The following GALNT13 variants were observed in gnomAD, a reference collection of about 807,000 sequenced individuals.
GALNT13 encodes the protein polypeptide N-acetylgalactosaminyltransferase 13.
In GALNT13, 28 loss-of-function variants were observed where a neutral mutation model predicts 64.2. The observed-to-expected ratio is 0.44, with a 90% confidence interval of 0.32 to 0.60. The LOEUF is 0.60. Among genes scored for constraint, GALNT13 ranks in the 20% least tolerant of loss-of-function variants. The pLI, the probability that GALNT13 is intolerant of heterozygous loss-of-function variation, is 0.05. For missense variants in GALNT13, 577 were observed against 669.8 expected (o/e 0.86, Z 1.53); for synonymous variants, 214 against 224.6 (o/e 0.95, Z 0.42).
chr2:153,205,930 C>T, the GALNT13 span, among the ~76,000 whole-genome samples: 34 of 151,818 alleles, frequency 2.2e-4, no homozygotes, highest in African/African-American at 7.7e-4. Flanking sequence ...TTTTTCTTTT[C>T]TACTATCTAA....
chr2:153,553,963 G>A, the GALNT13 span, among the ~76,000 whole-genome samples: 1 of 88 alleles, frequency 0.011, no homozygotes. Flanking sequence ...GAGTCCTGGG[G>A]ATGAGGTTCC....
At chr2:154,252,360 A>ATT (rs34869227) in intron 7 of GALNT13, among the ~76,000 whole-genome samples, 46 of 144,194 alleles carry the variant, frequency 3.2e-4, no homozygotes, top group East Asian at 1.0e-3. Flanking sequence ...TATTATTATT[A>ATT]TTTTTTTTTT....
intron 11 of GALNT13, among the ~76,000 whole-genome samples, chr2:154,433,493 A>C (rs369783284): frequency 2.0e-4 from 31 of 152,188 alleles, no homozygotes; most frequent in East Asian, 1.5e-3. Flanking sequence ...AGAATAAAAA[A>C]ATAAAAAATA....
chr2:153,195,575 CG>C, the GALNT13 span, among the ~76,000 whole-genome samples: 1 of 152,276 alleles, frequency 6.6e-6, no homozygotes, highest in African/African-American at 2.4e-5. Flanking sequence ...CTGGAGACAC[CG>C]GGAACTGCAG....
At chr2:153,452,460 C>T in the GALNT13 span, among the ~76,000 whole-genome samples, 1 of 151,076 alleles carries the variant, frequency 6.6e-6, no homozygotes, top group Non-Finnish European at 1.5e-5. Context: ...CCTAGGAAAC[C>T]GAGTGAGACT....
the GALNT13 span, among the ~76,000 whole-genome samples, chr2:153,091,066 G>A: frequency 1.3e-5 from 2 of 152,064 alleles, no homozygotes; most frequent in Non-Finnish European, 2.9e-5. Flanking sequence ...TCCATTGGCG[G>A]TGTCTCCTGT....
At chr2:154,180,103 C>T (rs1218162754) in intron 4 of GALNT13, among the ~76,000 whole-genome samples, 3 of 152,072 alleles carry the variant, frequency 2.0e-5, no homozygotes, top group Non-Finnish European at 4.4e-5. Context: ...TTGTTTAAAC[C>T]AACCCAAACA....
the GALNT13 span, among the ~76,000 whole-genome samples, chr2:153,153,663 C>CTTTTTTT: frequency 5.4e-5 from 7 of 129,784 alleles, no homozygotes; most frequent in East Asian, 2.3e-4. Context: ...TTCCCCATTG[C>CTTTTTTT]TTTTTTTTTT....
the GALNT13 span, among the ~76,000 whole-genome samples, chr2:153,264,402 A>C: frequency 6.6e-6 from 1 of 152,260 alleles, no homozygotes; most frequent in East Asian, 1.9e-4. Context: ...ACCTAGAGAC[A>C]GAAATATCAT....
the GALNT13 span, among the ~76,000 whole-genome samples, chr2:153,214,870 CTTGATTTATAAATATCT>C: frequency 2.0e-5 from 3 of 152,092 alleles, no homozygotes; most frequent in Non-Finnish European, 2.9e-5. Context: ...TTGGAGAAAT[CTTGATTTATAAATATCT>C]TTGAAAATCA....
the GALNT13 span, among the ~76,000 whole-genome samples, chr2:153,813,163 C>T: frequency 6.6e-6 from 1 of 152,120 alleles, no homozygotes. Context: ...TTCAGTGATT[C>T]AGAGTCTAAG....
the GALNT13 span, among the ~76,000 whole-genome samples, chr2:153,788,698 A>G: frequency 6.6e-6 from 1 of 152,170 alleles, no homozygotes; most frequent in Non-Finnish European, 1.5e-5. Flanking sequence ...TGCTATCTTC[A>G]AGAGATCTAA....
the GALNT13 span, among the ~76,000 whole-genome samples, chr2:153,269,226 G>T: frequency 1.3e-5 from 2 of 152,246 alleles, no homozygotes; most frequent in African/African-American, 4.8e-5. Flanking sequence ...CTTTAGGAAT[G>T]CATATGACTA....
intron 9 of GALNT13, among the ~76,000 whole-genome samples, chr2:154,306,863 C>A (rs562648564): frequency 6.6e-6 from 1 of 152,066 alleles, no homozygotes; most frequent in Non-Finnish European, 1.5e-5. Context: ...TGGAGAGGTT[C>A]AGAATCTTGT....
chr2:153,499,530 T>C, the GALNT13 span, among the ~76,000 whole-genome samples: 1 of 152,194 alleles, frequency 6.6e-6, no homozygotes, highest in Non-Finnish European at 1.5e-5. Flanking sequence ...GGAGCCTGTC[T>C]GCCTCCTGCC....
At chr2:153,124,328 G>C in the GALNT13 span, among the ~76,000 whole-genome samples, 9 of 152,188 alleles carry the variant, frequency 5.9e-5, no homozygotes, top group Non-Finnish European at 1.0e-4. Context: ...CACAGAAACT[G>C]TGATATAATA....
intron 3 of GALNT13, among the ~76,000 whole-genome samples, chr2:154,080,142 G>T (rs1226260278): frequency 6.6e-6 from 1 of 151,564 alleles, no homozygotes; most frequent in Non-Finnish European, 1.5e-5. Flanking sequence ...AAAGGCTGCT[G>T]GGTGGAATGT....
the GALNT13 span, among the ~76,000 whole-genome samples, chr2:153,519,427 G>A: frequency 1.3e-5 from 2 of 152,148 alleles, no homozygotes; most frequent in Non-Finnish European, 2.9e-5. Context: ...GATAGTACAA[G>A]TATTCTTAGA....
chr2:153,186,573 T>G, the GALNT13 span, among the ~76,000 whole-genome samples: 2 of 138,790 alleles, frequency 1.4e-5, no homozygotes, highest in African/African-American at 2.9e-5. Context: ...TCAGTGAGTA[T>G]TTTTTTTTTT....
Sources: gnomAD v4.1 joint callset for allele counts (sites outside exome capture counted in the v4.1 genomes callset) on GRCh38, gnomAD v4.1.1 for gene constraint, MANE v1.5 for transcripts, NCBI Gene and HGNC (gene_info 2026-07-23, HGNC 2026-07-21) for gene names.